TM9SF2: variants seen among roughly 807,000 people sequenced by gnomAD.
TM9SF2 encodes 76 kDa membrane protein.
Under a neutral mutation model 84.9 loss-of-function variants are expected in TM9SF2, and 13 were observed. The ratio of observed to expected loss-of-function variants is 0.15; its 90% CI spans 0.10 to 0.24. The LOEUF (loss-of-function observed/expected upper bound fraction) is 0.24, where lower values mean the gene tolerates loss of function less well. TM9SF2 is among the 10% of genes least tolerant of loss of function. The pLI is 1.00. For missense variants in TM9SF2, 562 were observed against 818.5 expected, an observed-to-expected ratio of 0.69 and a Z score of 3.82; for synonymous variants, 273 against 285.8, an observed-to-expected ratio of 0.96 and a Z score of 0.45.
At chr13:99,555,419 T>G in intron 14 of TM9SF2, 117 bp from the exon 15 acceptor site, 1 of 717,032 alleles carries the variant, frequency 1.4e-6, no homozygotes, top group African/African-American at 1.8e-5. Flanking sequence ...TTCGTCTTGT[T>G]TGGTTAGTTG....
intron 3 of TM9SF2, among the ~76,000 whole-genome samples, chr13:99,529,014 T>TGAATCTCTATCACCTGACACTTAAG (rs2046196239): frequency 6.6e-6 from 1 of 151,984 alleles, no homozygotes; most frequent in Non-Finnish European, 1.5e-5. Flanking sequence ...TGTTCACTGC[T>TGAATCTCTATCACCTGACACTTAAG]GAATCTCTAT....
intron 16 of TM9SF2, 96 bp from the exon 17 acceptor site, chr13:99,562,595 A>G: frequency 8.0e-7 from 1 of 1,243,046 alleles, no homozygotes; most frequent in Non-Finnish European, 1.1e-6. Context: ...TAGTTTTGCG[A>G]CTTTTTTAAG....
chr13:99,554,970 T>C (rs1594062051), intron 14 of TM9SF2, among the ~76,000 whole-genome samples: 1 of 152,308 alleles, frequency 6.6e-6, no homozygotes, highest in African/African-American at 2.4e-5. Context: ...TGTTCACATG[T>C]AAAAACTCAT....
At chr13:99,537,643 A>T in intron 5 of TM9SF2, 96 bp from the exon 6 acceptor site, 1 of 1,005,004 alleles carries the variant, frequency 1.0e-6, no homozygotes, top group African/African-American at 1.7e-5. Flanking sequence ...ATTCAAACTT[A>T]AATTTTCTTA....
At position 99,520,142 on chromosome 13, in the gene TM9SF2, T is replaced by C. The variant is rs766285617; in HGVS notation, c.333+13T>C. 4.4e-6 allele frequency: 7 copies of C among 1,584,738 alleles called. No individual in the cohort carries two copies. Among genetic ancestry groups the C allele is most frequent in the East Asian group, 2.2e-5 (1 of 44,594 alleles). On this transcript the variant is annotated intron_variant, in intron 3 of 16. Transcript: ENST00000376387. ...TTCACCATATAAGGTTTGTATTTAG[T>C]GTTACATAATAATTATTTACTTACA...
chr13:99,539,202 C>G, intron 6 of TM9SF2, among the ~76,000 whole-genome samples: 1 of 149,230 alleles, frequency 6.7e-6, no homozygotes, highest in East Asian at 1.9e-4. Flanking sequence ...AGAGCAAGAC[C>G]CTGTCCCAAA....
At chr13:99,560,041 G>T (rs561536334) in intron 16 of TM9SF2, among the ~76,000 whole-genome samples, 1 of 152,118 alleles carries the variant, frequency 6.6e-6, no homozygotes, top group Non-Finnish European at 1.5e-5. Flanking sequence ...TATTTTATTG[G>T]TATTTATTTT....
At chr13:99,533,487 CATT>C (rs1409545604) in intron 4 of TM9SF2, among the ~76,000 whole-genome samples, 4 of 152,232 alleles carry the variant, frequency 2.6e-5, no homozygotes, top group South Asian at 2.1e-4. Flanking sequence ...GGTCAAGTAA[CATT>C]GTAAATCTAT....
intron 13 of TM9SF2, among the ~76,000 whole-genome samples, chr13:99,553,708 C>T (rs1021085918): frequency 6.6e-6 from 1 of 152,214 alleles, no homozygotes. Flanking sequence ...TGTCTTCCCC[C>T]CTCATGTGGC....
chr13:99,520,154 A>G (rs1439791446), intron 3 of TM9SF2, 25 bp downstream of exon 3: 1 of 1,564,748 alleles, frequency 6.4e-7, no homozygotes, highest in African/African-American at 1.4e-5. Context: ...TTACATAATA[A>G]TTATTTACTT....
chr13:99,562,547 C>T (rs1221670723), intron 16 of TM9SF2, 144 bp from the exon 17 acceptor site: 2 of 635,544 alleles, frequency 3.1e-6, no homozygotes, highest in Non-Finnish European at 5.2e-6. Context: ...CAGACGTGCT[C>T]ATAGATCTGT....
At chr13:99,529,648 T>C (rs2046199428) in intron 4 of TM9SF2, 54 bp downstream of exon 4, 3 of 1,441,538 alleles carry the variant, frequency 2.1e-6, no homozygotes, top group East Asian at 5.2e-5. Flanking sequence ...ATGAAATCTT[T>C]GTTGCTTTGA....
At chr13:99,524,008 C>T (rs2046171339) in intron 3 of TM9SF2, among the ~76,000 whole-genome samples, 1 of 151,946 alleles carries the variant, frequency 6.6e-6, no homozygotes, top group African/African-American at 2.4e-5. Flanking sequence ...AAGAGAGGCC[C>T]CAAGGTGTGT....
intron 15 of TM9SF2, 44 bp from the exon 16 acceptor site, chr13:99,559,319 A>G: frequency 1.3e-6 from 2 of 1,501,772 alleles, no homozygotes; most frequent in South Asian, 1.3e-5. Context: ...CATCTTATCT[A>G]TTAATTGGAA....
At chr13:99,537,621 G>A in intron 5 of TM9SF2, 118 bp from the exon 6 acceptor site, 2 of 812,176 alleles carry the variant, frequency 2.5e-6, no homozygotes, top group Non-Finnish European at 3.6e-6. Flanking sequence ...AATGTGAAAG[G>A]CTTAAAATTC....
chr13:99,508,443 A>ACACACACACACACACCCC (rs1311954976), intron 1 of TM9SF2, among the ~76,000 whole-genome samples: 4 of 147,560 alleles, frequency 2.7e-5, no homozygotes, highest in Middle Eastern at 3.5e-3. Context: ...ACACACACAC[A>ACACACACACACACACCCC]CCCCAGAGAT....
chr13:99,538,572 G>A (rs2046244540), intron 6 of TM9SF2, among the ~76,000 whole-genome samples: 1 of 151,976 alleles, frequency 6.6e-6, no homozygotes, highest in Admixed American at 6.6e-5. Flanking sequence ...AAGGCAGGAG[G>A]ATCACTTGAG....
rs768101394 is a variant in TM9SF2 at position 99,501,781 on chromosome 13, G to A, written c.171+4G>A. 15 of 1,608,764 alleles carry A rather than the reference G, an allele frequency of 9.3e-6. No homozygotes were observed. Among genetic ancestry groups the A allele is most frequent in the African/African-American group, 2.7e-5 (2 of 74,516 alleles). On this transcript the variant is annotated splice_donor_region_variant and intron_variant, in intron 1 of 16. Transcript: ENST00000376387. ...AAAAAAGAGCGACGAGTGCAAGGTG[G>A]GTGAGGCCTGACGAGCCCTCTGATG...
At chr13:99,550,042 C>A in intron 12 of TM9SF2, among the ~76,000 whole-genome samples, 1 of 152,206 alleles carries the variant, frequency 6.6e-6, no homozygotes, top group East Asian at 1.9e-4. Context: ...CCTCTGTCAA[C>A]TCACGAAGGT....
Sources: gnomAD v4.1 joint callset for allele counts (sites outside exome capture counted in the v4.1 genomes callset) on GRCh38, gnomAD v4.1.1 for gene constraint, MANE v1.5 for transcripts, NCBI Gene and HGNC (gene_info 2026-07-23, HGNC 2026-07-21) for gene names.